The following TMEM132B variants were observed in gnomAD, a reference collection of about 807,000 sequenced individuals.
The protein encoded by TMEM132B is transmembrane protein 132B.
A neutral mutation model predicts 90.8 loss-of-function variants in TMEM132B; 18 were observed. The observed-to-expected ratio is 0.20, with a 90% CI of 0.14 to 0.29. The LOEUF (loss-of-function observed/expected upper bound fraction) is 0.29. Ranked by LOEUF, TMEM132B falls within the 10% of genes least tolerant of loss-of-function variation. The pLI is 1.00. For missense variants in TMEM132B, 1,096 were observed against 1,326.8 expected, an observed-to-expected ratio of 0.83 and a Z score of 2.70; for synonymous variants, 504 against 523.3, an observed-to-expected ratio of 0.96 and a Z score of 0.50.
intron 4 of TMEM132B, among the ~76,000 whole-genome samples, chr12:125,537,193 C>T (rs1265084940): frequency 6.6e-6 from 1 of 152,188 alleles, no homozygotes; most frequent in Non-Finnish European, 1.5e-5. Flanking sequence ...TCCTCATACA[C>T]GGGCTTTGCA....
chr12:125,265,951 A>T (rs981494111), intron 1 of TMEM132B, among the ~76,000 whole-genome samples: 12 of 152,130 alleles, frequency 7.9e-5, no homozygotes, highest in African/African-American at 2.9e-4. Context: ...ACCCCAGGCC[A>T]GGCGTGGTGG....
intron 2 of TMEM132B, among the ~76,000 whole-genome samples, chr12:125,376,996 G>C (rs555801112): frequency 6.6e-6 from 1 of 152,222 alleles, no homozygotes; most frequent in East Asian, 1.9e-4. Context: ...ATCCCTTAGC[G>C]GGACAGGGCA....
rs144546301 is a variant in TMEM132B at position 125,347,678 on chromosome 12, A to C, written c.68-1774A>C. On this transcript the variant is annotated intron_variant, in intron 1 of 8. Transcript: ENST00000682704. ...ACGGTCAGGTGCCATTTCTTCTTGCACTGGTTGGAAAACAGGACTCCAGTG... is the reference window on the plus strand; with the variant it reads ...ACGGTCAGGTGCCATTTCTTCTTGCCCTGGTTGGAAAACAGGACTCCAGTG... 4.0e-3 allele frequency among the ~76,000 whole-genome samples: 604 copies of C among 152,270 alleles called. 8 individuals are homozygous for C. Among genetic ancestry groups the C allele is most frequent in the African/African-American group, 0.013 (547 of 41,552 alleles).
intron 1 of TMEM132B, among the ~76,000 whole-genome samples, chr12:125,312,870 A>C (rs1876155683): frequency 6.6e-6 from 1 of 152,140 alleles, no homozygotes. Flanking sequence ...GGGTGTCTAG[A>C]ATGGGCCATC....
intron 5 of TMEM132B, chr12:125,622,571 C>T: frequency 1.0e-6 from 1 of 985,480 alleles, no homozygotes. Flanking sequence ...CGGTGACTTG[C>T]TCAGCCTGAC....
rs747075975 is a variant in TMEM132B, at chr12:125,658,716, G to A, written c.*4006G>A. On this transcript the variant is annotated 3_prime_UTR_variant, in exon 9 of 9. Coordinates refer to ENST00000682704, the MANE Select transcript of TMEM132B (RefSeq NM_001366854.1). Reference sequence around the variant, plus strand: ...AAACACCGAGTTTTTTAAAGTGAAAGCATGCAAAATCGTAGCTTTTAAATG... The same window carrying A: ...AAACACCGAGTTTTTTAAAGTGAAAACATGCAAAATCGTAGCTTTTAAATG... 3.3e-5 allele frequency: 5 copies of A among 152,260 alleles called. No individual in the cohort carries two copies. Among genetic ancestry groups the A allele is most frequent in the Admixed American group, 6.5e-5 (1 of 15,298 alleles). 9.4% of individuals were successfully genotyped at this position (152,260 alleles called of 1,614,324 possible). A position where few individuals can be genotyped will look rare whatever the true frequency, so the allele number is the denominator to read the frequency against.
intron 4 of TMEM132B, among the ~76,000 whole-genome samples, chr12:125,546,162 G>A (rs533507174): frequency 3.4e-4 from 51 of 151,740 alleles, no homozygotes; most frequent in Admixed American, 1.2e-3. Flanking sequence ...CCCAATCCCA[G>A]CTCCAGGCAA....
chr12:125,562,549 G>A (rs1884559495), intron 4 of TMEM132B, among the ~76,000 whole-genome samples: 1 of 152,130 alleles, frequency 6.6e-6, no homozygotes, highest in African/African-American at 2.4e-5. Context: ...AGAGATGTGG[G>A]ACTCTTCCGT....
chr12:125,576,874 T>C (rs1165777944), intron 4 of TMEM132B, among the ~76,000 whole-genome samples: 1 of 151,828 alleles, frequency 6.6e-6, no homozygotes, highest in African/African-American at 2.4e-5. Context: ...TGTTTGCTAG[T>C]ATTTTGCGTG....
chr12:125,566,516 A>G (rs1205124414), intron 4 of TMEM132B, among the ~76,000 whole-genome samples: 2 of 152,220 alleles, frequency 1.3e-5, no homozygotes, highest in Non-Finnish European at 2.9e-5. Context: ...AGATGTACCA[A>G]GTCTCACCAG....
At chr12:125,379,645 T>C (rs1000560620) in intron 2 of TMEM132B, among the ~76,000 whole-genome samples, 1 of 152,220 alleles carries the variant, frequency 6.6e-6, no homozygotes, top group Non-Finnish European at 1.5e-5. Flanking sequence ...TTTGTTACAG[T>C]AGCATTGGAA....
chr12:125,405,649 C>T lies in TMEM132B; in HGVS notation c.960-9882C>T, dbSNP rs548952839. Among the ~76,000 whole-genome samples the T allele has an allele frequency of 1.3e-4, 20 of 152,236 alleles. No individual in the cohort carries two copies. In the South Asian group the frequency reaches 3.9e-3, roughly 30 times the overall value. On this transcript the variant is annotated intron_variant, in intron 2 of 8. Transcript: ENST00000682704. ...GATGGGCAGGCTCAGAAATGAGGAC[C>T]CCTACACTCCATCCTGCCTCCACCT...
chr12:125,253,434 C>CCT (rs1874359913), intron 1 of TMEM132B, among the ~76,000 whole-genome samples: 1 of 139,076 alleles, frequency 7.2e-6, no homozygotes. Context: ...TTCCCCCCCA[C>CCT]TTTTTTTTTT....
chr12:125,237,252 A>C (rs1175952021), intron 1 of TMEM132B, among the ~76,000 whole-genome samples: 1 of 152,048 alleles, frequency 6.6e-6, no homozygotes, highest in Non-Finnish European at 1.5e-5. Context: ...GGTGACCTCC[A>C]GGGGGCACCA....
At chr12:125,515,246 TCA>T (rs144097093) in intron 3 of TMEM132B, among the ~76,000 whole-genome samples, 7,177 of 150,736 alleles carry the variant, frequency 0.048, 457 homozygotes, top group East Asian at 0.17. Context: ...ACATGCATTC[TCA>T]CACACACACA....
At chr12:125,570,994 G>T (rs1884779078) in intron 4 of TMEM132B, among the ~76,000 whole-genome samples, 1 of 152,048 alleles carries the variant, frequency 6.6e-6, no homozygotes, top group Non-Finnish European at 1.5e-5. Context: ...CTACTTAGCT[G>T]TTTCTACTAA....
chr12:125,207,503 G>A (rs1433612241), intron 1 of TMEM132B, among the ~76,000 whole-genome samples: 1 of 152,186 alleles, frequency 6.6e-6, no homozygotes, highest in South Asian at 2.1e-4. Context: ...TATGGTATCC[G>A]CCAGCCACAT....
chr12:125,523,432 C>T (rs1226656170), intron 4 of TMEM132B, among the ~76,000 whole-genome samples: 1 of 152,164 alleles, frequency 6.6e-6, no homozygotes, highest in East Asian at 1.9e-4. Flanking sequence ...GCTTTCTCTT[C>T]CCTTTTAAGG....
intron 5 of TMEM132B, 64 bp downstream of exon 5, chr12:125,584,058 T>C (rs1326670636): frequency 2.5e-6 from 4 of 1,609,188 alleles, no homozygotes; most frequent in South Asian, 1.1e-5. Context: ...CCTTCTTTTG[T>C]CTCCAAGGTC....
Sources: allele counts gnomAD v4.1 joint callset (sites outside exome capture counted in the v4.1 genomes callset), GRCh38; gene constraint gnomAD v4.1.1; transcripts MANE v1.5; gene names NCBI Gene and HGNC (gene_info 2026-07-23, HGNC 2026-07-21).